Variants in NCS1 observed in about 807,000 individuals in gnomAD.
NCS1 encodes neuronal calcium sensor 1.
Under a neutral mutation model 28.4 loss-of-function variants are expected in NCS1, and 6 were observed. The ratio of observed to expected loss-of-function variants is 0.21; its 90% CI spans 0.12 to 0.42. The LOEUF is 0.42. Ranked by LOEUF, NCS1 falls within the 10% of genes least tolerant of loss-of-function variation. The pLI, the probability that NCS1 is intolerant of heterozygous loss-of-function variation, is 1.00. For missense variants in NCS1, 131 were observed against 241.4 expected, an observed-to-expected ratio of 0.54 and a Z score of 3.03; for synonymous variants, 86 against 99.3, an observed-to-expected ratio of 0.87 and a Z score of 0.79.
intron 6 of NCS1, 48 bp downstream of exon 6, chr9:130,223,207 CG>C (rs1833363876): frequency 1.3e-6 from 2 of 1,563,096 alleles, no homozygotes; most frequent in Non-Finnish European, 8.8e-7. Flanking sequence ...GGCAAGGTGT[CG>C]GGGGCAGGAA....
chr9:130,225,183 C>A lies in NCS1; in HGVS notation c.475-1206C>A, dbSNP rs143600197. On this transcript the variant is annotated intron_variant, in intron 6 of 7. Transcript: ENST00000372398. ...CTCCAGCCTGGGTGACAGAGTGAGA[C>A]CCTGTCTCAATCAATCAATCGATCA... Among the ~76,000 whole-genome samples the A allele has an allele frequency of 2.6e-3, 394 of 152,326 alleles. 14 individuals are homozygous for A. In the East Asian group the frequency reaches 0.071, roughly 27 times the overall value.
intron 7 of NCS1, among the ~76,000 whole-genome samples, chr9:130,231,860 C>T (rs1206910736): frequency 1.3e-5 from 2 of 150,412 alleles, no homozygotes; most frequent in East Asian, 1.9e-4. Context: ...TCCTTGCCAA[C>T]GCTTGTTATT....
In NCS1 at chr9:130,175,050, CT is replaced by C. The variant is rs1196840110; in HGVS notation, c.64+2327del. Among the ~76,000 whole-genome samples the C allele has an allele frequency of 2.0e-5, 3 of 152,070 alleles. No homozygotes were observed. Among genetic ancestry groups the C allele is most frequent in the African/African-American group, 7.2e-5 (3 of 41,380 alleles). ...GGCAGAGAGAGAGTTGGCCTGGGTA[CT>C]TTTCCTCTGTCGAAGCCCTTATTAG... On this transcript the variant is annotated intron_variant, in intron 1 of 7. Transcript: ENST00000372398. The surrounding 1 kb of genome is among the most constrained non-coding windows in gnomAD (Gnocchi z 4.9).
chr9:130,182,836 CCCTGT>C (rs1349649718), intron 1 of NCS1, among the ~76,000 whole-genome samples: 3 of 152,262 alleles, frequency 2.0e-5, no homozygotes, highest in African/African-American at 7.2e-5. Flanking sequence ...TCCTGCCCTG[CCCTGT>C]GCCTGGCTCA....
At chr9:130,198,072 C>T (rs1454162692) in intron 1 of NCS1, among the ~76,000 whole-genome samples, 2 of 152,104 alleles carry the variant, frequency 1.3e-5, no homozygotes, top group African/African-American at 4.8e-5. Flanking sequence ...TCAACTGTTT[C>T]CTAAAGGTCA....
At chr9:130,194,962 G>A (rs1832860913) in intron 1 of NCS1, among the ~76,000 whole-genome samples, 1 of 152,248 alleles carries the variant, frequency 6.6e-6, no homozygotes, top group South Asian at 2.1e-4. Flanking sequence ...CCTGTGTGCA[G>A]GGTGCTGAGC....
intron 7 of NCS1, among the ~76,000 whole-genome samples, chr9:130,230,342 C>T (rs531462809): frequency 6.6e-6 from 1 of 152,126 alleles, no homozygotes; most frequent in Non-Finnish European, 1.5e-5. Context: ...CAGAGTGAGA[C>T]TCTGTCTGAA....
Position 130,234,133 on chromosome 9 carries a change from A to AC in NCS1, c.*1166dup, listed in dbSNP as rs1166847367. 1.3e-5 allele frequency: 2 copies of AC among 151,292 alleles called. No individual in the cohort carries two copies. Among genetic ancestry groups the AC allele is most frequent in the African/African-American group, 4.9e-5 (2 of 41,054 alleles). The allele number at this position is 151,292 out of a possible 1,614,324, so 9.4% of individuals were successfully genotyped here. On this transcript the variant is annotated 3_prime_UTR_variant, in exon 8 of 8. Transcript: ENST00000372398. This position sits in a 1 kb window ranked among gnomAD's most constrained non-coding sequence, Gnocchi z 6.1. Reference sequence around the variant, plus strand: ...AAGTAAGTTAGCAGAAATCAAGGGGACCCCCGCCTCCTTGGGCTGGGGAGG... The same window carrying AC: ...AAGTAAGTTAGCAGAAATCAAGGGGACCCCCCGCCTCCTTGGGCTGGGGAGG...
chr9:130,205,677 GA>G (rs797027203), intron 2 of NCS1, among the ~76,000 whole-genome samples: 10,724 of 126,304 alleles, frequency 0.085, 434 homozygotes, highest in Middle Eastern at 0.14. Flanking sequence ...CTCTACAAAA[GA>G]AAAAAAAAAA....
In NCS1 at chr9:130,232,780, C is replaced by T. The variant is rs1010085089; in HGVS notation, c.*18-210C>T. 3.1e-4 allele frequency among the ~76,000 whole-genome samples: 47 copies of T among 151,310 alleles called. No individual in the cohort carries two copies. Among genetic ancestry groups the T allele is most frequent in the African/African-American group, 1.1e-3 (45 of 41,162 alleles). The stretch of plus-strand genomic sequence containing the variant: ...CAGCCCAGGTGACAGAGCAAGACTC[C>T]AACTCAAAAAAAAGCAAACAAAAAA... On this transcript the variant is annotated intron_variant, in intron 7 of 7. Transcript: ENST00000372398. This position sits in a 1 kb window ranked among gnomAD's most constrained non-coding sequence, Gnocchi z 4.4.
At position 130,232,264 on chromosome 9, in the gene NCS1, G is replaced by A. The variant is rs2131164979; in HGVS notation, c.*18-726G>A. Among the ~76,000 whole-genome samples the A allele has an allele frequency of 6.6e-6, 1 of 152,226 alleles. No individual in the cohort carries two copies. Among genetic ancestry groups the A allele is most frequent in the Admixed American group, 6.5e-5 (1 of 15,280 alleles). ...TCCTGGCCCTCCCTGTGGCTTTGAT[G>A]TGTGTTTCCCTAATGACTAGGGATG... is the stretch of plus-strand genomic sequence containing the variant. On this transcript the variant is annotated intron_variant, in intron 7 of 7. Coordinates refer to ENST00000372398, the MANE Select transcript of NCS1 (RefSeq NM_014286.4). This position sits in a 1 kb window ranked among gnomAD's most constrained non-coding sequence, Gnocchi z 4.4.
At position 130,222,666 on chromosome 9, in the gene NCS1, C is replaced by T. The variant is rs782125895; in HGVS notation, c.324C>T (p.Tyr108=). 36 of 1,613,744 alleles carry T rather than the reference C, an allele frequency of 2.2e-5. No individual in the cohort carries two copies. Among genetic ancestry groups the T allele is most frequent in the Middle Eastern group, 1.6e-4 (1 of 6,082 alleles). The change falls in exon 5 of 8, where the codon TAC becomes TAT. Residue 108 remains tyrosine, a synonymous_variant. Transcript: ENST00000372398. Reference sequence around the variant, plus strand: ...TGCTTACAGGGGCCTTCAAGCTCTACGACTTGGACAATGATGGCTACATCA... The same window carrying T: ...TGCTTACAGGGGCCTTCAAGCTCTATGACTTGGACAATGATGGCTACATCA... The part of the protein sequence containing the change: ...DEKLRWAFKL[Y]DLDNDGYITR...
intron 2 of NCS1, 78 bp downstream of exon 2, chr9:130,201,060 A>AGG: frequency 6.3e-7 from 1 of 1,583,678 alleles, no homozygotes; most frequent in Non-Finnish European, 8.7e-7. Flanking sequence ...TGGGGACAGC[A>AGG]GTCCAGCTGC....
rs150709222 is a variant in NCS1 at position 130,178,258 on chromosome 9, T to C, written c.64+5531T>C. On this transcript the variant is annotated intron_variant, in intron 1 of 7. Coordinates refer to ENST00000372398, the MANE Select transcript of NCS1 (RefSeq NM_014286.4). ...GGCAGGTGGCCTGTGGCCACCCCCT[T>C]GTACAGAGAGGGAAGGGGCAGCTGG... Among the ~76,000 whole-genome samples, 1,178 of 152,244 alleles carry C rather than the reference T, an allele frequency of 7.7e-3. 13 individuals are homozygous for C. The highest frequency in any genetic ancestry group is 0.027 in the African/African-American group (1,127 of 41,548).
chr9:130,214,567 C>T (rs1029567055), intron 2 of NCS1, among the ~76,000 whole-genome samples: 4 of 151,978 alleles, frequency 2.6e-5, no homozygotes, highest in Non-Finnish European at 5.9e-5. Flanking sequence ...ACACGTGAAG[C>T]GAACTGGGGA....
intron 2 of NCS1, among the ~76,000 whole-genome samples, chr9:130,205,885 A>G (rs1236732291): frequency 4.6e-5 from 7 of 151,480 alleles, no homozygotes; most frequent in Non-Finnish European, 7.4e-5. Context: ...GCCCTCTGGC[A>G]GAGAAAAGTT....
At chr9:130,194,610 C>G (rs1336596188) in intron 1 of NCS1, among the ~76,000 whole-genome samples, 1 of 152,170 alleles carries the variant, frequency 6.6e-6, no homozygotes, top group African/African-American at 2.4e-5. Context: ...AGTTTATACC[C>G]CATCCTACAG....
At chr9:130,189,793 A>G (rs1445860456) in intron 1 of NCS1, among the ~76,000 whole-genome samples, 1 of 143,896 alleles carries the variant, frequency 6.9e-6, no homozygotes, top group Non-Finnish European at 1.5e-5. Flanking sequence ...TGGAGGTTGC[A>G]GTGACCTGAG....
In NCS1 at chr9:130,180,972, C is replaced by T. The variant is rs1238291082; in HGVS notation, c.64+8245C>T. 1.3e-5 allele frequency among the ~76,000 whole-genome samples: 2 copies of T among 152,178 alleles called. No homozygotes were observed. Among genetic ancestry groups the T allele is most frequent in the African/African-American group, 4.8e-5 (2 of 41,432 alleles). On this transcript the variant is annotated intron_variant, in intron 1 of 7. Transcript: ENST00000372398. The surrounding 1 kb of genome is among the most constrained non-coding windows in gnomAD (Gnocchi z 4.5). ...TTGTGGCAGGCTGGCTTTTAGGCTCCTGTGCGCCCAGGGGCTCAGAGGATG... is the reference window on the plus strand; with the variant it reads ...TTGTGGCAGGCTGGCTTTTAGGCTCTTGTGCGCCCAGGGGCTCAGAGGATG...
Sources: allele counts gnomAD v4.1 joint callset (sites outside exome capture counted in the v4.1 genomes callset), GRCh38; gene constraint gnomAD v4.1.1; non-coding constraint Gnocchi (gnomAD v3.1); transcripts MANE v1.5; gene names NCBI Gene and HGNC (gene_info 2026-07-23, HGNC 2026-07-21).